Variants in PDSS2 observed in about 807,000 individuals in gnomAD.
The protein encoded by PDSS2 is decaprenyl diphosphate synthase subunit 2.
In PDSS2, 31 loss-of-function variants were observed where a neutral mutation model predicts 44.5. That is an observed-to-expected ratio of 0.70 (90% CI 0.52 to 0.94). The LOEUF is 0.94. Among genes scored for constraint, PDSS2 ranks in the 40% least tolerant of loss-of-function variants. The pLI, the probability that PDSS2 is intolerant of heterozygous loss-of-function variation, is 0.00. For synonymous variants in PDSS2, 157 were observed against 180.3 expected, an observed-to-expected ratio of 0.87 and a Z score of 1.03; for missense variants, 452 against 482.2, an observed-to-expected ratio of 0.94 and a Z score of 0.59.
At chr6:107,178,236 A>G (rs1418235600) in intron 7 of PDSS2, among the ~76,000 whole-genome samples, 1 of 152,208 alleles carries the variant, frequency 6.6e-6, no homozygotes, top group Non-Finnish European at 1.5e-5. Flanking sequence ...TATTAATGAA[A>G]TAAATGTAGG....
chr6:107,229,323 G>A lies in PDSS2; in HGVS notation c.702+16225C>T, dbSNP rs151220720. 2.6e-3 allele frequency among the ~76,000 whole-genome samples: 394 copies of A among 152,034 alleles called. 2 individuals are homozygous for A. Among genetic ancestry groups the A allele is most frequent in the African/African-American group, 9.0e-3 (372 of 41,486 alleles). ...CGCCTCAGCCTCCAGAGTAGCTGGG[G>A]TTACAGGCGTGCACCACCATGCCCG... On this transcript the variant is annotated intron_variant, in intron 4 of 7. Coordinates refer to ENST00000369037, the MANE Select transcript of PDSS2 (RefSeq NM_020381.4).
chr6:107,346,081 T>C (rs1225113970), intron 1 of PDSS2, among the ~76,000 whole-genome samples: 1 of 152,260 alleles, frequency 6.6e-6, no homozygotes, highest in African/African-American at 2.4e-5. Flanking sequence ...TCTCAAATTA[T>C]TTATGTCCAT....
At chr6:107,225,160 T>TAA (rs1773767581) in intron 4 of PDSS2, among the ~76,000 whole-genome samples, 1 of 45,548 alleles carries the variant, frequency 2.2e-5, no homozygotes, top group African/African-American at 1.9e-4. Context: ...TATATATATA[T>TAA]ATTTTTTTTT....
At chr6:107,362,523 G>A (rs1582991181) in intron 1 of PDSS2, among the ~76,000 whole-genome samples, 1 of 152,202 alleles carries the variant, frequency 6.6e-6, no homozygotes, top group East Asian at 1.9e-4. Context: ...CAAAGGTTTA[G>A]TCCAGGCAAG....
intron 7 of PDSS2, among the ~76,000 whole-genome samples, chr6:107,162,995 T>C (rs1554246966): frequency 1.3e-5 from 2 of 152,224 alleles, no homozygotes; most frequent in East Asian, 1.9e-4. Flanking sequence ...TATTTAACCA[T>C]ATTTTTAAAC....
At chr6:107,284,606 A>T (rs1776080237) in intron 2 of PDSS2, among the ~76,000 whole-genome samples, 1 of 150,864 alleles carries the variant, frequency 6.6e-6, no homozygotes, top group South Asian at 2.1e-4. Flanking sequence ...GGTTACAGTG[A>T]GCCGAGATGG....
At chr6:107,241,090 A>T (rs1439183190) in intron 4 of PDSS2, among the ~76,000 whole-genome samples, 1 of 151,696 alleles carries the variant, frequency 6.6e-6, no homozygotes, top group Non-Finnish European at 1.5e-5. Context: ...CTCTACTGAA[A>T]ATACAAAAAT....
At chr6:107,284,704 T>G in intron 2 of PDSS2, among the ~76,000 whole-genome samples, 1 of 152,108 alleles carries the variant, frequency 6.6e-6, no homozygotes, top group East Asian at 1.9e-4. Flanking sequence ...TTAACCTTGT[T>G]TTAGCTACAC....
intron 4 of PDSS2, among the ~76,000 whole-genome samples, chr6:107,231,196 A>T (rs9400108): frequency 0.16 from 23,747 of 152,188 alleles, 2,377 homozygotes; most frequent in East Asian, 0.25. Context: ...AATTATTATC[A>T]ATTACTTTTT....
chr6:107,199,817 G>A (rs1318262873), intron 6 of PDSS2, among the ~76,000 whole-genome samples: 1 of 152,216 alleles, frequency 6.6e-6, no homozygotes, highest in African/African-American at 2.4e-5. Flanking sequence ...TTCTAGGAAA[G>A]CTGGATGTTT....
intron 1 of PDSS2, among the ~76,000 whole-genome samples, chr6:107,373,469 G>A (rs1401185432): frequency 6.6e-6 from 1 of 152,154 alleles, no homozygotes; most frequent in Non-Finnish European, 1.5e-5. Flanking sequence ...GAAACAACGT[G>A]TTAAATTTAT....
intron 2 of PDSS2, among the ~76,000 whole-genome samples, chr6:107,307,945 T>C (rs1041463402): frequency 2.0e-5 from 3 of 152,196 alleles, no homozygotes; most frequent in Non-Finnish European, 2.9e-5. Flanking sequence ...AGTAAGGCTA[T>C]AAGGAATAAG....
chr6:107,298,333 T>C (rs942286821), intron 2 of PDSS2, among the ~76,000 whole-genome samples: 1 of 152,176 alleles, frequency 6.6e-6, no homozygotes, highest in African/African-American at 2.4e-5. Context: ...TTTTTCCTGG[T>C]CATTATTCCC....
intron 2 of PDSS2, among the ~76,000 whole-genome samples, chr6:107,295,909 A>G (rs1039249483): frequency 6.6e-6 from 1 of 152,182 alleles, no homozygotes; most frequent in Non-Finnish European, 1.5e-5. Flanking sequence ...CTGATGTTCA[A>G]TACCACCACC....
intron 1 of PDSS2, among the ~76,000 whole-genome samples, chr6:107,358,926 C>T (rs1477918666): frequency 4.0e-5 from 6 of 150,602 alleles, no homozygotes; most frequent in African/African-American, 1.5e-4. Flanking sequence ...AGGCAGACTA[C>T]TATCTTTTGA....
intron 1 of PDSS2, among the ~76,000 whole-genome samples, chr6:107,370,117 GAT>G (rs1779087136): frequency 6.6e-6 from 1 of 152,118 alleles, no homozygotes; most frequent in South Asian, 2.1e-4. Flanking sequence ...CCCCAAAAGA[GAT>G]GAAGTGATAA....
intron 1 of PDSS2, among the ~76,000 whole-genome samples, chr6:107,439,111 T>C (rs1781441129): frequency 6.6e-6 from 1 of 152,338 alleles, no homozygotes; most frequent in Admixed American, 6.5e-5. Context: ...CAAGCAGGCA[T>C]ACTGCCCTCC....
intron 2 of PDSS2, among the ~76,000 whole-genome samples, chr6:107,311,733 T>C (rs1334897990): frequency 1.3e-5 from 2 of 152,250 alleles, no homozygotes; most frequent in Non-Finnish European, 2.9e-5. Flanking sequence ...TGCTACTTTA[T>C]GGCTCTGTAG....
intron 2 of PDSS2, among the ~76,000 whole-genome samples, chr6:107,300,879 C>A (rs1050654169): frequency 6.6e-6 from 1 of 152,160 alleles, no homozygotes; most frequent in African/African-American, 2.4e-5. Flanking sequence ...ATAGGCATAT[C>A]ATTTATTCAT....
Sources: gnomAD v4.1 joint callset for allele counts (sites outside exome capture counted in the v4.1 genomes callset) on GRCh38, gnomAD v4.1.1 for gene constraint, MANE v1.5 for transcripts, NCBI Gene and HGNC (gene_info 2026-07-23, HGNC 2026-07-21) for gene names.